Variants in NCKAP5 observed in about 807,000 individuals in gnomAD.
The protein encoded by NCKAP5 is NCK associated protein 5.
In NCKAP5, 92 loss-of-function variants were observed where a neutral mutation model predicts 167.0. That is an observed-to-expected ratio of 0.55 (90% CI 0.47 to 0.66). The LOEUF (loss-of-function observed/expected upper bound fraction) is 0.66, where lower values mean the gene tolerates loss of function less well. NCKAP5 is among the 30% of genes least tolerant of loss of function. The pLI is 0.00. For missense variants in NCKAP5, 2,378 were observed against 2,315.0 expected, an observed-to-expected ratio of 1.03 and a Z score of -0.56; for synonymous variants, 891 against 877.4, an observed-to-expected ratio of 1.02 and a Z score of -0.27.
At chr2:132,899,363 AT>A (rs1693443588) in intron 8 of NCKAP5, among the ~76,000 whole-genome samples, 1 of 152,252 alleles carries the variant, frequency 6.6e-6, no homozygotes, top group South Asian at 2.1e-4. Context: ...TTAGTCTTCT[AT>A]CCAGGCCACT....
intron 6 of NCKAP5, among the ~76,000 whole-genome samples, chr2:133,068,064 C>T (rs1232592672): frequency 6.6e-6 from 1 of 152,166 alleles, no homozygotes; most frequent in Non-Finnish European, 1.5e-5. Context: ...ATCTTCCACC[C>T]ATATTCCCAG....
intron 3 of NCKAP5, among the ~76,000 whole-genome samples, chr2:133,330,637 C>T (rs2150722017): frequency 6.6e-6 from 1 of 152,108 alleles, no homozygotes; most frequent in African/African-American, 2.4e-5. Context: ...TGCCTATCAC[C>T]CAAGGCTTTG....
chr2:133,384,739 T>A (rs1224687876), intron 3 of NCKAP5, among the ~76,000 whole-genome samples: 2 of 151,854 alleles, frequency 1.3e-5, no homozygotes, highest in Non-Finnish European at 2.9e-5. Context: ...CATTGAGCAA[T>A]GGTTTCTCCT....
At chr2:133,447,116 G>A (rs1182211413) in intron 3 of NCKAP5, among the ~76,000 whole-genome samples, 1 of 152,130 alleles carries the variant, frequency 6.6e-6, no homozygotes. Flanking sequence ...ATGGCTTCAT[G>A]GGAGGAACAC....
intron 8 of NCKAP5, among the ~76,000 whole-genome samples, chr2:132,947,355 C>T (rs1697830151): frequency 1.3e-5 from 2 of 152,058 alleles, no homozygotes; most frequent in Admixed American, 6.6e-5. Context: ...AATTTATGTA[C>T]TGATAGAGTA....
rs560147924 is a variant in NCKAP5, at chr2:133,149,664, A to C, written c.208-19553T>G. Among the ~76,000 whole-genome samples, 18 of 152,272 alleles carry C rather than the reference A, an allele frequency of 1.2e-4. No homozygotes were observed. The South Asian group carries it at 3.5e-3, about 30-fold the overall frequency. On this transcript the variant is annotated intron_variant, in intron 5 of 19. Coordinates refer to ENST00000409261, the MANE Select transcript of NCKAP5 (RefSeq NM_207363.3). ...TTTGTTTTCTTAATCCTAATACATC[A>C]CACTGCTCTCACTAATTATTCATTC...
chr2:133,151,873 G>C (rs946921967), intron 5 of NCKAP5, among the ~76,000 whole-genome samples: 8 of 152,240 alleles, frequency 5.3e-5, no homozygotes, highest in Admixed American at 2.0e-4. Flanking sequence ...AGGTTGAGGT[G>C]GGGGGACCTC....
At chr2:132,674,095 A>C (rs1234734134) in intron 19 of NCKAP5, among the ~76,000 whole-genome samples, 1 of 152,234 alleles carries the variant, frequency 6.6e-6, no homozygotes, top group Non-Finnish European at 1.5e-5. Flanking sequence ...AGGGAGGCAC[A>C]CTTGCGAAAA....
intron 3 of NCKAP5, among the ~76,000 whole-genome samples, chr2:133,366,449 C>T (rs544717421): frequency 3.3e-5 from 5 of 152,104 alleles, no homozygotes; most frequent in South Asian, 2.1e-4. Flanking sequence ...ATTACAGGCA[C>T]GTGCCACCAT....
chr2:133,422,663 T>C (rs1019332067), intron 3 of NCKAP5, among the ~76,000 whole-genome samples: 1 of 152,274 alleles, frequency 6.6e-6, no homozygotes, highest in Admixed American at 6.5e-5. Flanking sequence ...CTCTATGACT[T>C]TTCTAAGGCA....
intron 3 of NCKAP5, among the ~76,000 whole-genome samples, chr2:133,429,625 A>G (rs1308537246): frequency 6.6e-6 from 1 of 152,136 alleles, no homozygotes. Flanking sequence ...AGTTGCATCC[A>G]TGTTGCTACA....
At chr2:133,172,475 A>G (rs1419358151) in intron 5 of NCKAP5, among the ~76,000 whole-genome samples, 1 of 152,180 alleles carries the variant, frequency 6.6e-6, no homozygotes, top group South Asian at 2.1e-4. Flanking sequence ...TGAGTTTATC[A>G]TATCTGTTTT....
At chr2:133,417,780 G>A (rs928194411) in intron 3 of NCKAP5, among the ~76,000 whole-genome samples, 2 of 152,166 alleles carry the variant, frequency 1.3e-5, no homozygotes, top group Non-Finnish European at 2.9e-5. Context: ...GAGGTGGGGT[G>A]GGTCAAGTAG....
chr2:133,333,658 A>G (rs1363499734), intron 3 of NCKAP5, among the ~76,000 whole-genome samples: 2 of 152,294 alleles, frequency 1.3e-5, no homozygotes, highest in African/African-American at 4.8e-5. Context: ...CATTTTCCAT[A>G]ATCATATATA....
chr2:132,685,976 T>A (rs1202088754), intron 19 of NCKAP5, among the ~76,000 whole-genome samples: 2 of 152,040 alleles, frequency 1.3e-5, no homozygotes, highest in African/African-American at 4.8e-5. Flanking sequence ...GGGTCCTCTA[T>A]GGGAAGAGGT....
chr2:133,180,161 A>G (rs1366994956), intron 5 of NCKAP5, among the ~76,000 whole-genome samples: 1 of 151,958 alleles, frequency 6.6e-6, no homozygotes, highest in Non-Finnish European at 1.5e-5. Context: ...GTGGCACACC[A>G]TTTTTCAAAT....
intron 6 of NCKAP5, among the ~76,000 whole-genome samples, chr2:133,048,206 T>G (rs561699972): frequency 6.6e-6 from 1 of 152,132 alleles, no homozygotes; most frequent in Non-Finnish European, 1.5e-5. Flanking sequence ...TGGATTGGAC[T>G]GGGGGAACCT....
At chr2:133,597,698 A>G in the NCKAP5 span, among the ~76,000 whole-genome samples, 28 of 141,590 alleles carry the variant, frequency 2.0e-4, no homozygotes, top group African/African-American at 7.2e-4. Context: ...AAAAAAAAAA[A>G]GAAGAGAAAA....
chr2:133,273,516 G>A (rs2089602403), intron 4 of NCKAP5, among the ~76,000 whole-genome samples: 1 of 151,636 alleles, frequency 6.6e-6, no homozygotes, highest in Non-Finnish European at 1.5e-5. Context: ...GGGAGGAGGA[G>A]AAAAAAGGAA....
Sources: allele counts gnomAD v4.1 joint callset (sites outside exome capture counted in the v4.1 genomes callset), GRCh38; gene constraint gnomAD v4.1.1; transcripts MANE v1.5; gene names NCBI Gene and HGNC (gene_info 2026-07-23, HGNC 2026-07-21).